Variants in GK observed in about 807,000 individuals in gnomAD.
GK encodes ATP:glycerol 3-phosphotransferase.
GK carries 9 observed loss-of-function variants against 56.4 expected under a neutral mutation model. That is an observed-to-expected ratio of 0.16 (90% confidence interval 0.10 to 0.28). GK has a LOEUF of 0.28. Among genes scored for constraint, GK ranks in the 10% least tolerant of loss-of-function variants. The pLI, the probability that GK is intolerant of heterozygous loss-of-function variation, is 1.00. For synonymous variants in GK, 104 were observed against 144.1 expected (o/e 0.72, Z 1.99); for missense variants, 161 against 431.4 (o/e 0.37, Z 5.55).
chrX:30,684,455 C>T (rs948827017), intron 4 of GK, among the ~76,000 whole-genome samples: 7 of 111,528 alleles, frequency 6.3e-5, no homozygotes, highest in South Asian at 3.7e-4. Flanking sequence ...CACCTGAGGT[C>T]GGGAGTTTGA....
chrX:30,721,163 AT>A (rs1435315132), intron 18 of GK, 168 bp downstream of exon 18: 1 of 509,316 alleles, frequency 2.0e-6, no homozygotes, highest in Non-Finnish European at 3.4e-6. Flanking sequence ...ATAAATGTGA[AT>A]GAGAGAAATC....
At chrX:30,657,858 T>G (rs1336917560) in intron 1 of GK, among the ~76,000 whole-genome samples, 1 of 112,303 alleles carries the variant, frequency 8.9e-6, no homozygotes, top group Non-Finnish European at 1.9e-5. Context: ...CAAGTGTCAG[T>G]TCTGATTATC....
intron 3 of GK, among the ~76,000 whole-genome samples, chrX:30,671,013 C>T (rs959463548): frequency 1.2e-4 from 13 of 105,589 alleles, no homozygotes; most frequent in Non-Finnish European, 1.7e-4. Context: ...AAAGGCTGGG[C>T]GCACAGTGGC....
intron 4 of GK, among the ~76,000 whole-genome samples, chrX:30,689,235 C>G (rs1022607635): frequency 6.3e-5 from 7 of 111,598 alleles, no homozygotes; most frequent in African/African-American, 2.3e-4. Context: ...TTTCTGTGAG[C>G]CAATAACACC....
chrX:30,659,522 T>C lies in GK; in HGVS notation c.78+5907T>C, dbSNP rs761807498. 2.7e-5 allele frequency among the ~76,000 whole-genome samples: 3 copies of C among 111,734 alleles called. No individual in the cohort carries two copies. In the South Asian group the frequency reaches 1.1e-3, roughly 41 times the overall value. On this transcript the variant is annotated intron_variant, in intron 1 of 20. Transcript: ENST00000427190. ...AGGAAGTTTACATTTCTGAATAATG[T>C]CTTATCACATGGTAAAGTTTAGTGT...
At chrX:30,692,485 AT>A (rs1177501148) in intron 5 of GK, among the ~76,000 whole-genome samples, 1 of 104,564 alleles carries the variant, frequency 9.6e-6, no homozygotes, top group African/African-American at 3.5e-5. Context: ...ATCTCCTTCC[AT>A]TTTTTTTTTC....
At chrX:30,709,178 A>G (rs769665084) in intron 13 of GK, among the ~76,000 whole-genome samples, 19 of 112,131 alleles carry the variant, frequency 1.7e-4, no homozygotes, top group Non-Finnish European at 2.6e-4. Flanking sequence ...TATGCACTTG[A>G]TAAGTGTTAC....
chrX:30,685,963 C>T (rs748786348), intron 4 of GK, among the ~76,000 whole-genome samples: 140 of 112,397 alleles, frequency 1.2e-3, no homozygotes, highest in African/African-American at 4.5e-3. Flanking sequence ...GGCCACTGTT[C>T]TGAATTGGCT....
chrX:30,714,955 C>T (rs1030391106), intron 13 of GK, among the ~76,000 whole-genome samples: 19 of 112,226 alleles, frequency 1.7e-4, no homozygotes, highest in African/African-American at 6.1e-4. Flanking sequence ...TTCCCTTTCT[C>T]TATGCAATTA....
At chrX:30,672,883 C>A (rs1334607493) in intron 3 of GK, among the ~76,000 whole-genome samples, 1 of 111,797 alleles carries the variant, frequency 8.9e-6, no homozygotes, top group African/African-American at 3.2e-5. Context: ...AGCCAGAGAA[C>A]CTTCCTCTGA....
At chrX:30,653,941 G>T (rs1396495578) in intron 1 of GK, among the ~76,000 whole-genome samples, 4 of 112,889 alleles carry the variant, frequency 3.5e-5, no homozygotes, top group African/African-American at 1.3e-4. Context: ...TGCAGTAGGG[G>T]ACAGGTGGCC....
chrX:30,678,269 C>A (rs906541250), intron 4 of GK, among the ~76,000 whole-genome samples: 3 of 112,103 alleles, frequency 2.7e-5, no homozygotes, highest in African/African-American at 6.5e-5. Context: ...CTCAAATATA[C>A]CACTTTTAGG....
intron 5 of GK, among the ~76,000 whole-genome samples, chrX:30,693,142 G>T (rs1209061246): frequency 1.9e-5 from 2 of 104,245 alleles, no homozygotes; most frequent in East Asian, 6.0e-4. Context: ...TCAGCCTCCT[G>T]TGTAGCTGGG....
At chrX:30,675,653 G>T (rs1346371849) in intron 3 of GK, among the ~76,000 whole-genome samples, 1 of 105,672 alleles carries the variant, frequency 9.5e-6, no homozygotes, top group African/African-American at 3.5e-5. Context: ...CTACAGGCGT[G>T]CACCACCATA....
In GK at chrX:30,719,519, A is replaced by G. The variant is rs757210705; in HGVS notation, c.1151+4A>G. 3 of 1,088,618 alleles carry G rather than the reference A, an allele frequency of 2.8e-6. No homozygotes were observed. The highest frequency in any genetic ancestry group is 6.0e-5 in the East Asian group (2 of 33,336). 89.7% of individuals were successfully genotyped at this position (1,088,618 alleles called of 1,213,427 possible). On this transcript the variant is annotated splice_donor_region_variant and intron_variant, in intron 15 of 20. Coordinates refer to ENST00000427190, the MANE Select transcript of GK (RefSeq NM_001205019.2). ...ATTGGGAGCCCAGCGCAAGAGGGTAAGTATTGAAAATATGGAGTGCTTTTG... is the reference window on the plus strand; with the variant it reads ...ATTGGGAGCCCAGCGCAAGAGGGTAGGTATTGAAAATATGGAGTGCTTTTG...
At chrX:30,719,773 A>G (rs1936811863) in intron 15 of GK, among the ~76,000 whole-genome samples, 1 of 112,126 alleles carries the variant, frequency 8.9e-6, no homozygotes, top group Admixed American at 9.5e-5. Context: ...GGACATCATC[A>G]TAATGAATAC....
chrX:30,723,611 TTTTG>T (rs201175614), intron 18 of GK: 36 of 150,439 alleles, frequency 2.4e-4, no homozygotes, highest in Non-Finnish European at 3.5e-4. Context: ...CCTATCCTGT[TTTTG>T]TTTGTTTGTT....
intron 11 of GK, among the ~76,000 whole-genome samples, chrX:30,706,857 T>C (rs1375287076): frequency 3.6e-5 from 4 of 111,767 alleles, no homozygotes; most frequent in Non-Finnish European, 7.5e-5. Flanking sequence ...TCTCATTTTA[T>C]GACTGTATTA....
At chrX:30,726,286 A>ATT (rs771679752) in intron 19 of GK, among the ~76,000 whole-genome samples, 7 of 91,888 alleles carry the variant, frequency 7.6e-5, no homozygotes, top group Admixed American at 1.2e-4. Context: ...AGCCAGTTTG[A>ATT]TTTTTTTTTT....
Sources: allele counts gnomAD v4.1 joint callset (sites outside exome capture counted in the v4.1 genomes callset), GRCh38; gene constraint gnomAD v4.1.1; transcripts MANE v1.5; gene names NCBI Gene and HGNC (gene_info 2026-07-23, HGNC 2026-07-21).